Variants in PHKA1 observed in about 807,000 individuals in gnomAD.
The protein encoded by PHKA1 is phosphorylase kinase regulatory subunit alpha 1.
Under a neutral mutation model 110.2 loss-of-function variants are expected in PHKA1, and 60 were observed. The ratio of observed to expected loss-of-function variants is 0.54; its 90% CI spans 0.44 to 0.68. The LOEUF (loss-of-function observed/expected upper bound fraction) is 0.68. Ranked by LOEUF, PHKA1 falls within the 30% of genes least tolerant of loss-of-function variation. PHKA1 has a pLI of 0.00. For synonymous variants in PHKA1, 316 were observed against 333.6 expected, an observed-to-expected ratio of 0.95 and a Z score of 0.58; for missense variants, 801 against 942.5, an observed-to-expected ratio of 0.85 and a Z score of 1.97.
intron 29 of PHKA1, among the ~76,000 whole-genome samples, chrX:72,586,041 C>A (rs1176053789): frequency 8.9e-6 from 1 of 112,507 alleles, no homozygotes; most frequent in African/African-American, 3.2e-5. Context: ...ACTTGAACGT[C>A]CCTGTCTGAC....
At chrX:72,631,100 C>T (rs1384640571) in intron 16 of PHKA1, among the ~76,000 whole-genome samples, 1 of 103,598 alleles carries the variant, frequency 9.7e-6, no homozygotes, top group Non-Finnish European at 2.0e-5. Context: ...GCTACTGGGC[C>T]TATCTAGTGA....
chrX:72,588,142 C>T (rs782258882), intron 29 of PHKA1, among the ~76,000 whole-genome samples: 1 of 112,186 alleles, frequency 8.9e-6, no homozygotes, highest in South Asian at 3.7e-4. Flanking sequence ...CTTGTCAGCA[C>T]CACATGGCAC....
At chrX:72,604,162 A>C (rs1044075190) in intron 25 of PHKA1, among the ~76,000 whole-genome samples, 5 of 110,821 alleles carry the variant, frequency 4.5e-5, no homozygotes, top group Non-Finnish European at 9.5e-5. Context: ...CAAAAAAAAA[A>C]ACAACATTAT....
chrX:72,682,934 TAAAAAAAAAAA>T (rs1164416043), intron 5 of PHKA1, among the ~76,000 whole-genome samples: 2 of 63,857 alleles, frequency 3.1e-5, no homozygotes, highest in African/African-American at 6.5e-5. Flanking sequence ...AAAAATAAAT[TAAAAAAAAAAA>T]AAAAAAAAAA....
chrX:72,674,853 A>G (rs1188643963), intron 6 of PHKA1, among the ~76,000 whole-genome samples: 2 of 111,408 alleles, frequency 1.8e-5, no homozygotes, highest in Non-Finnish European at 3.8e-5. Flanking sequence ...GTGTGAAATG[A>G]CATAGAAGGA....
intron 16 of PHKA1, among the ~76,000 whole-genome samples, chrX:72,633,758 C>G (rs185719090): frequency 2.7e-5 from 3 of 111,976 alleles, no homozygotes; most frequent in East Asian, 5.6e-4. Flanking sequence ...ACTCCTTGCT[C>G]AAAACCTTTT....
At chrX:72,692,594 C>T (rs1345385970) in intron 4 of PHKA1, among the ~76,000 whole-genome samples, 1 of 111,848 alleles carries the variant, frequency 8.9e-6, no homozygotes, top group African/African-American at 3.2e-5. Flanking sequence ...CCCATTTCAT[C>T]AAAATTATCT....
At chrX:72,636,521 T>C (rs183308244) in intron 14 of PHKA1, 135 bp from the exon 15 acceptor site, 1 of 475,433 alleles carries the variant, frequency 2.1e-6, no homozygotes, top group African/African-American at 2.4e-5. Context: ...ACATCCACTG[T>C]ATTTCCTTGA....
At chrX:72,702,011 G>T (rs1459080376) in intron 3 of PHKA1, among the ~76,000 whole-genome samples, 2 of 110,429 alleles carry the variant, frequency 1.8e-5, no homozygotes, top group Admixed American at 1.9e-4. Flanking sequence ...AATTTTTTTT[G>T]GCTACAAGTC....
intron 14 of PHKA1, among the ~76,000 whole-genome samples, chrX:72,638,433 C>A (rs1036576062): frequency 3.9e-5 from 4 of 101,818 alleles, no homozygotes; most frequent in Non-Finnish European, 6.0e-5. Flanking sequence ...TTATTTTTTT[C>A]TTTTGTCTTT....
At chrX:72,672,187 G>A (rs782119764) in intron 6 of PHKA1, among the ~76,000 whole-genome samples, 10 of 111,707 alleles carry the variant, frequency 9.0e-5, no homozygotes, top group South Asian at 3.8e-4. Flanking sequence ...CAGGGGTGCC[G>A]GGAGTACAGT....
At chrX:72,686,289 A>G (rs2053966491) in intron 4 of PHKA1, among the ~76,000 whole-genome samples, 1 of 112,018 alleles carries the variant, frequency 8.9e-6, no homozygotes, top group South Asian at 3.7e-4. Context: ...CCAGAACCAC[A>G]TCACCTTCAC....
intron 4 of PHKA1, among the ~76,000 whole-genome samples, chrX:72,694,457 C>G (rs782240715): frequency 8.9e-6 from 1 of 112,044 alleles, no homozygotes; most frequent in Non-Finnish European, 1.9e-5. Flanking sequence ...CTTCTAGTTT[C>G]ACAGTTTGTC....
chrX:72,666,044 A>T, intron 8 of PHKA1, 107 bp downstream of exon 8: 1 of 783,557 alleles, frequency 1.3e-6, no homozygotes, highest in Non-Finnish European at 1.9e-6. Flanking sequence ...CAGAAAACTT[A>T]AAGGTTTCTT....
intron 17 of PHKA1, among the ~76,000 whole-genome samples, chrX:72,626,665 A>C (rs2053076267): frequency 8.9e-6 from 1 of 111,969 alleles, no homozygotes; most frequent in Admixed American, 9.5e-5. Flanking sequence ...CATACCTATG[A>C]TATAGTTTAA....
intron 2 of PHKA1, among the ~76,000 whole-genome samples, chrX:72,710,858 ATTTTTAT>A (rs2054366879): frequency 3.4e-5 from 3 of 88,983 alleles, no homozygotes; most frequent in Admixed American, 1.3e-4. Flanking sequence ...TTTTATTTTT[ATTTTTAT>A]TTTTTATTTT....
At chrX:72,614,153 G>A (rs1163898920) in intron 21 of PHKA1, among the ~76,000 whole-genome samples, 1 of 111,982 alleles carries the variant, frequency 8.9e-6, no homozygotes, top group African/African-American at 3.2e-5. Flanking sequence ...ATGTAGGAGA[G>A]TTCATAATTT....
intron 3 of PHKA1, 110 bp downstream of exon 3, chrX:72,705,088 G>A: frequency 1.6e-6 from 1 of 614,153 alleles, no homozygotes; most frequent in Non-Finnish European, 2.6e-6. Context: ...AAATTAGTGT[G>A]TACTATTTGT....
At chrX:72,674,480 C>A (rs1011802850) in intron 6 of PHKA1, among the ~76,000 whole-genome samples, 1 of 111,561 alleles carries the variant, frequency 9.0e-6, no homozygotes, top group Non-Finnish European at 1.9e-5. Context: ...TGTTTCCTGA[C>A]TTTTTAATGA....
Sources: allele counts gnomAD v4.1 joint callset (sites outside exome capture counted in the v4.1 genomes callset), GRCh38; gene constraint gnomAD v4.1.1; transcripts MANE v1.5; gene names NCBI Gene and HGNC (gene_info 2026-07-23, HGNC 2026-07-21).